Variants in LUZP2 observed in about 807,000 individuals in gnomAD.
LUZP2 encodes leucine zipper protein 2.
LUZP2 carries 52 observed loss-of-function variants against 51.6 expected under a neutral mutation model. That is an observed-to-expected ratio of 1.01 (90% CI 0.81 to 1.27). The LOEUF (loss-of-function observed/expected upper bound fraction) is 1.27, where lower values mean the gene tolerates loss of function less well. Among genes scored for constraint, LUZP2 ranks in the 50% most tolerant of loss-of-function variants. The probability of loss-of-function intolerance (pLI) is 0.00; values close to 1 mark genes in which losing one functional copy is unlikely to be tolerated. For missense variants in LUZP2, 436 were observed against 395.4 expected (o/e 1.10, Z -0.87); for synonymous variants, 154 against 137.3 (o/e 1.12, Z -0.85).
chr11:24,600,755 C>G (rs75120621), intron 1 of LUZP2, among the ~76,000 whole-genome samples: 2,645 of 151,970 alleles, frequency 0.017, 87 homozygotes, highest in African/African-American at 0.061. Context: ...AACGTAAGCA[C>G]AGGAAAAAAG....
rs1393447943 is a variant in LUZP2 at position 25,000,923 on chromosome 11, G to GTA, written c.765+17631_765+17632insAT. On this transcript the variant is annotated intron_variant, in intron 9 of 11. Coordinates refer to ENST00000336930, the MANE Select transcript of LUZP2 (RefSeq NM_001009909.4). Reference sequence around the variant, plus strand: ...AGTCTGAGAAATCTTTTGAGAGTGTGTGGTAGTAGGATAATGAAGTAGATA... The same window carrying GTA: ...AGTCTGAGAAATCTTTTGAGAGTGTGTATGGTAGTAGGATAATGAAGTAGATA... 3.3e-5 allele frequency among the ~76,000 whole-genome samples: 5 copies of GTA among 152,232 alleles called. No homozygotes were observed. The East Asian group carries it at 7.7e-4, about 24-fold the overall frequency.
At chr11:25,050,223 T>C (rs1858451600) in intron 10 of LUZP2, 93 bp downstream of exon 10, 1 of 529,952 alleles carries the variant, frequency 1.9e-6, no homozygotes, top group Non-Finnish European at 3.2e-6. Context: ...CATGAAACTA[T>C]TTATATGTAA....
chr11:24,573,438 A>C (rs1421772107), intron 1 of LUZP2, among the ~76,000 whole-genome samples: 2 of 152,020 alleles, frequency 1.3e-5, no homozygotes, highest in South Asian at 4.1e-4. Flanking sequence ...CAAAGTTTTC[A>C]TGAGGATTAC....
At chr11:24,681,489 C>T (rs1013650222) in intron 1 of LUZP2, among the ~76,000 whole-genome samples, 1 of 152,136 alleles carries the variant, frequency 6.6e-6, no homozygotes, top group African/African-American at 2.4e-5. Context: ...TTTATAATGT[C>T]CTTACCTTTC....
At chr11:24,577,883 G>A (rs1421603372) in intron 1 of LUZP2, among the ~76,000 whole-genome samples, 1 of 152,068 alleles carries the variant, frequency 6.6e-6, no homozygotes, top group African/African-American at 2.4e-5. Context: ...CTTAAAAATT[G>A]ATGGCTTTAA....
chr11:25,036,425 G>A (rs1002820395), intron 9 of LUZP2, among the ~76,000 whole-genome samples: 4 of 151,664 alleles, frequency 2.6e-5, no homozygotes, highest in African/African-American at 9.7e-5. Flanking sequence ...GAACCAACTC[G>A]GTTTCATTGA....
chr11:24,962,593 T>G (rs1380995815), intron 7 of LUZP2, among the ~76,000 whole-genome samples: 2 of 152,260 alleles, frequency 1.3e-5, no homozygotes, highest in Admixed American at 6.5e-5. Context: ...ACGTAGTTCT[T>G]GAGCCTTAGC....
At chr11:25,072,975 C>T (rs1316645283) in intron 10 of LUZP2, among the ~76,000 whole-genome samples, 6 of 152,066 alleles carry the variant, frequency 3.9e-5, no homozygotes, top group Non-Finnish European at 8.8e-5. Flanking sequence ...AGTGCACTCA[C>T]ACCCAGCAGA....
intron 5 of LUZP2, among the ~76,000 whole-genome samples, chr11:24,885,324 C>A (rs1737483290): frequency 6.6e-6 from 1 of 152,046 alleles, no homozygotes; most frequent in African/African-American, 2.4e-5. Flanking sequence ...GTATCGAGTG[C>A]TTACATTGTG....
chr11:24,812,890 T>G (rs1468032235), intron 5 of LUZP2, among the ~76,000 whole-genome samples: 1 of 152,200 alleles, frequency 6.6e-6, no homozygotes, highest in Non-Finnish European at 1.5e-5. Context: ...CATGGAATTC[T>G]TAAGTACAGC....
intron 5 of LUZP2, among the ~76,000 whole-genome samples, chr11:24,896,727 C>T (rs11602437): frequency 6.6e-6 from 1 of 152,100 alleles, no homozygotes; most frequent in African/African-American, 2.4e-5. Flanking sequence ...GTGGCCCCGG[C>T]ACGGGATCCA....
intron 7 of LUZP2, among the ~76,000 whole-genome samples, chr11:24,968,328 C>A (rs1014888994): frequency 1.3e-5 from 2 of 152,064 alleles, no homozygotes; most frequent in Non-Finnish European, 2.9e-5. Flanking sequence ...AGCAAGTAGA[C>A]TATACTTAAA....
rs528918062 is a variant in LUZP2 at position 24,874,419 on chromosome 11, G to A, written c.397-31572G>A. Among the ~76,000 whole-genome samples, 200 of 152,222 alleles carry A rather than the reference G, an allele frequency of 1.3e-3. 4 individuals carry two copies. The South Asian group carries it at 0.022, about 17-fold the overall frequency. The stretch of plus-strand genomic sequence containing the variant: ...CGGTGAGGCATTTATGGACCTCACA[G>A]GCAACAGTGGCTCAGAGTCAGGTGA... On this transcript the variant is annotated intron_variant, in intron 5 of 11. Transcript: ENST00000336930.
chr11:24,819,462 A>G (rs1401032943), intron 5 of LUZP2, among the ~76,000 whole-genome samples: 1 of 152,078 alleles, frequency 6.6e-6, no homozygotes, highest in African/African-American at 2.4e-5. Context: ...GGATATTTGG[A>G]TGACTTAGTG....
rs183351499 is a variant in LUZP2 at position 25,020,553 on chromosome 11, T to A, written c.766-29485T>A. Among the ~76,000 whole-genome samples, 212 of 152,200 alleles carry A rather than the reference T, an allele frequency of 1.4e-3. 2 individuals carry two copies. The highest frequency in any genetic ancestry group is 0.014 in the Admixed American group (211 of 15,250). On this transcript the variant is annotated intron_variant, in intron 9 of 11. Transcript: ENST00000336930. Reference sequence around the variant, plus strand: ...TCTTATGTTTCACTAGTCACATCTTTCTGTTGTCATTTTTGCAGAGTTATA... The same window carrying A: ...TCTTATGTTTCACTAGTCACATCTTACTGTTGTCATTTTTGCAGAGTTATA...
chr11:24,763,479 TTAC>T (rs2134033611), intron 5 of LUZP2, among the ~76,000 whole-genome samples, 171 bp downstream of exon 5: 1 of 152,246 alleles, frequency 6.6e-6, no homozygotes, highest in South Asian at 2.1e-4. Context: ...TAGATAATCC[TTAC>T]GTTTATATAT....
chr11:24,578,173 C>A (rs1056724093), intron 1 of LUZP2, among the ~76,000 whole-genome samples: 1 of 151,930 alleles, frequency 6.6e-6, no homozygotes, highest in African/African-American at 2.4e-5. Flanking sequence ...TTTTAGGAAG[C>A]TTTTTAAAAT....
intron 5 of LUZP2, among the ~76,000 whole-genome samples, chr11:24,796,929 G>C (rs932024577): frequency 3.9e-5 from 6 of 152,058 alleles, no homozygotes; most frequent in East Asian, 1.9e-4. Context: ...TACATGAAGG[G>C]AGGAGGGCGA....
At chr11:24,687,550 C>T (rs1447573469) in intron 1 of LUZP2, among the ~76,000 whole-genome samples, 1 of 152,128 alleles carries the variant, frequency 6.6e-6, no homozygotes, top group African/African-American at 2.4e-5. Context: ...CGCTAAGAAG[C>T]GGAGACAGAG....
Sources: gnomAD v4.1 joint callset for allele counts (sites outside exome capture counted in the v4.1 genomes callset) on GRCh38, gnomAD v4.1.1 for gene constraint, MANE v1.5 for transcripts, NCBI Gene and HGNC (gene_info 2026-07-23, HGNC 2026-07-21) for gene names.